The following ITGB2 variants were observed in gnomAD, a reference collection of about 807,000 sequenced individuals.
ITGB2 encodes integrin beta-2.
Under a neutral mutation model 86.8 loss-of-function variants are expected in ITGB2, and 56 were observed. That is an observed-to-expected ratio of 0.65 (90% confidence interval 0.52 to 0.81). The LOEUF is 0.81. Among genes scored for constraint, ITGB2 ranks in the 30% least tolerant of loss-of-function variants. The pLI, the probability that ITGB2 is intolerant of heterozygous loss-of-function variation, is 0.00. For missense variants in ITGB2, 948 were observed against 1,061.2 expected, an observed-to-expected ratio of 0.89 and a Z score of 1.48; for synonymous variants, 457 against 450.4, an observed-to-expected ratio of 1.01 and a Z score of -0.19.
At chr21:44,900,293 G>T in intron 7 of ITGB2, 27 bp downstream of exon 7, 2 of 1,614,042 alleles carry the variant, frequency 1.2e-6, no homozygotes, top group Non-Finnish European at 8.5e-7. Context: ...GCCAGGCGGT[G>T]CCTGGGTGCC....
intron 8 of ITGB2, among the ~76,000 whole-genome samples, chr21:44,897,448 G>A (rs1424655913): frequency 6.6e-6 from 1 of 152,228 alleles, no homozygotes; most frequent in Non-Finnish European, 1.5e-5. Flanking sequence ...AGATGGCGGT[G>A]ATGGCCCTGG....
intron 1 of ITGB2, among the ~76,000 whole-genome samples, chr21:44,914,619 G>A (rs1039706084): frequency 1.3e-5 from 2 of 152,174 alleles, no homozygotes; most frequent in African/African-American, 4.8e-5. Context: ...CAGGAGAACA[G>A]GAGCAAACAC....
chr21:44,905,956 C>T (rs1367809072), intron 4 of ITGB2, among the ~76,000 whole-genome samples: 1 of 152,148 alleles, frequency 6.6e-6, no homozygotes, highest in Non-Finnish European at 1.5e-5. Context: ...GCTGGTTCCT[C>T]TAAAGTCACC....
chr21:44,900,813 G>A (rs1226997474), intron 6 of ITGB2, among the ~76,000 whole-genome samples: 1 of 152,230 alleles, frequency 6.6e-6, no homozygotes, highest in Non-Finnish European at 1.5e-5. Context: ...AGACGTGTGG[G>A]CCACACGCAG....
intron 3 of ITGB2, 107 bp from the exon 4 acceptor site, chr21:44,907,202 G>A (rs796515784): frequency 7.9e-5 from 64 of 812,102 alleles, no homozygotes; most frequent in African/African-American, 7.7e-4. Context: ...CCTCCTCTGC[G>A]CCTGGAATTT....
intron 7 of ITGB2, among the ~76,000 whole-genome samples, chr21:44,899,935 G>C (rs116992229): frequency 0.021 from 3,242 of 152,326 alleles, 62 homozygotes; most frequent in Non-Finnish European, 0.035. Context: ...AGGCCGGGAG[G>C]GGGAGGAGGC....
intron 4 of ITGB2, 68 bp downstream of exon 4, chr21:44,906,847 C>T (rs560721406): frequency 1.4e-5 from 22 of 1,549,534 alleles, no homozygotes; most frequent in East Asian, 4.5e-5. Flanking sequence ...AGAGCAGGGC[C>T]GGACTCCCAG....
At chr21:44,886,942 C>T in intron 14 of ITGB2, 40 bp from the exon 15 acceptor site, 1 of 1,607,494 alleles carries the variant, frequency 6.2e-7, no homozygotes. Context: ...AGTCCAGCCC[C>T]ATCTCACTGA....
At position 44,902,215 on chromosome 21, in the gene ITGB2, A is replaced by C. The variant is rs201450060; in HGVS notation, c.500-482T>G. On this transcript the variant is annotated intron_variant, in intron 5 of 15. Coordinates refer to ENST00000652462, the MANE Select transcript of ITGB2 (RefSeq NM_000211.5). ...ATGTGTGTTTATGTACGATTTATAC[A>C]TGTGAGTGAAGACATACATGGGTGA... Among the ~76,000 whole-genome samples the C allele has an allele frequency of 3.3e-5, 5 of 152,360 alleles. No homozygotes were observed. In the East Asian group the frequency reaches 9.7e-4, roughly 29 times the overall value.
rs2083961139 is a variant in ITGB2 at position 44,901,678 on chromosome 21, A to C, written c.555T>G (p.Asp185Glu). Residue 185 changes from aspartate (D) to glutamate (E), a missense_variant, in exon 6 of 16, where the codon GAT becomes GAG. Physicochemically the swap from Asp to Glu is conservative, Grantham distance 45. Transcript: ENST00000652462. The stretch of plus-strand genomic sequence containing the variant: ...TGTTGGGGCATGGGTTTCGCAGCTT[A>C]TCAGGGTGCGTGTTCACGAACGGCA... ...TVLPFVNTHPDKLRNPCPNKE... is the reference protein window; with the variant it reads ...TVLPFVNTHPEKLRNPCPNKE... The C allele has an allele frequency of 6.2e-7, 1 of 1,614,072 alleles. No individual in the cohort carries two copies. Among genetic ancestry groups the C allele is most frequent in the Admixed American group, 1.7e-5 (1 of 60,030 alleles).
chr21:44,919,655 C>G (rs936703122), intron 1 of ITGB2, among the ~76,000 whole-genome samples: 1 of 152,206 alleles, frequency 6.6e-6, no homozygotes, highest in African/African-American at 2.4e-5. Context: ...CGAGTGTCCC[C>G]TATGCCCCCA....
intron 5 of ITGB2, 111 bp downstream of exon 5, chr21:44,903,254 C>A: frequency 2.9e-6 from 4 of 1,358,768 alleles, no homozygotes; most frequent in Non-Finnish European, 4.2e-6. Flanking sequence ...GCATCTGGGG[C>A]CCCCAGATCT....
chr21:44,900,288 G>A (rs1426004261), intron 7 of ITGB2, 32 bp downstream of exon 7: 3 of 1,614,012 alleles, frequency 1.9e-6, no homozygotes, highest in Admixed American at 1.7e-5. Flanking sequence ...GTCCTGCCAG[G>A]CGGTGCCTGG....
At chr21:44,893,198 T>C in intron 10 of ITGB2, 1 of 579,026 alleles carries the variant, frequency 1.7e-6, no homozygotes, top group Non-Finnish European at 3.1e-6. Context: ...AACAGGGTCC[T>C]TCCAGTGGAT....
Position 44,899,105 on chromosome 21 carries a change from T to C in ITGB2, c.955A>G (p.Ile319Val), listed in dbSNP as rs199639864. The C allele has an allele frequency of 1.2e-6, 2 of 1,614,190 alleles. No homozygotes were observed. Among genetic ancestry groups the C allele is most frequent in the Non-Finnish European group, 8.5e-7 (1 of 1,180,008 alleles). Residue 319 changes from isoleucine (I) to valine (V), a missense_variant, in exon 8 of 16, where the codon ATC becomes GTC. By Grantham distance (29) the Ile-to-Val change is conservative (BLOSUM62 3). Coordinates refer to ENST00000652462, the MANE Select transcript of ITGB2 (RefSeq NM_000211.5). ...HKLAENNIQP[I>V]FAVTSRMVKT... ...ACCATCCTACTGGTCACCGCGAAGA[T>C]GGGCTGGATGTTGTTTTCAGCCAGC...
chr21:44,918,736 C>T (rs9976299), intron 1 of ITGB2, among the ~76,000 whole-genome samples: 18,328 of 152,172 alleles, frequency 0.12, 1,475 homozygotes, highest in African/African-American at 0.22. Context: ...AGGCAGGTCA[C>T]GTCGATGCCG....
intron 1 of ITGB2, among the ~76,000 whole-genome samples, chr21:44,919,960 C>T (rs2084276054): frequency 6.6e-6 from 1 of 152,300 alleles, no homozygotes; most frequent in African/African-American, 2.4e-5. Context: ...GCTTCAATCC[C>T]CCTCCCACCA....
At chr21:44,899,555 C>T (rs764141287) in intron 7 of ITGB2, among the ~76,000 whole-genome samples, 72 of 98,332 alleles carry the variant, frequency 7.3e-4, no homozygotes, top group Non-Finnish European at 7.4e-4. Context: ...GAGGGCCGTC[C>T]CTCCCGTCTG....
rs2146504220 is a variant in ITGB2 at position 44,891,823 on chromosome 21, C to T, written c.1398G>A (p.Glu466=). Residue 466 remains glutamate, a synonymous_variant, in exon 11 of 16, where the codon GAG becomes GAA. Coordinates refer to ENST00000652462, the MANE Select transcript of ITGB2 (RefSeq NM_000211.5). ...RSLCHGKGFL[E]CGICRCDTGY... ...GCCCGCCTCACCTGCAGATGCCGCA[C>T]TCCAAGAAGCCCTTGCCATGGCAGA... The T allele has an allele frequency of 1.9e-6, 3 of 1,607,192 alleles. No homozygotes were observed. Among genetic ancestry groups the T allele is most frequent in the Non-Finnish European group, 2.5e-6 (3 of 1,179,974 alleles).
Sources: allele counts gnomAD v4.1 joint callset (sites outside exome capture counted in the v4.1 genomes callset), GRCh38; gene constraint gnomAD v4.1.1; transcripts MANE v1.5; gene names NCBI Gene and HGNC (gene_info 2026-07-23, HGNC 2026-07-21).